The following CEP83 variants were observed in gnomAD, a reference collection of about 807,000 sequenced individuals.
CEP83 encodes the protein centrosomal protein of 83 kDa.
In CEP83, 70 loss-of-function variants were observed where a neutral mutation model predicts 101.9. That is an observed-to-expected ratio of 0.69 (90% CI 0.57 to 0.84). The LOEUF is 0.84. Among genes scored for constraint, CEP83 ranks in the 40% least tolerant of loss-of-function variants. The pLI is 0.00. For missense variants in CEP83, 715 were observed against 787.2 expected, an observed-to-expected ratio of 0.91 and a Z score of 1.10; for synonymous variants, 264 against 267.9, an observed-to-expected ratio of 0.99 and a Z score of 0.14.
chr12:94,415,043 A>G (rs115536678), intron 2 of CEP83, among the ~76,000 whole-genome samples: 3,587 of 152,218 alleles, frequency 0.024, 153 homozygotes, highest in African/African-American at 0.082. Context: ...ATGGCATAAA[A>G]ATGTGTTTTT....
At chr12:94,392,100 A>G (rs1421572658) in intron 6 of CEP83, among the ~76,000 whole-genome samples, 2 of 152,160 alleles carry the variant, frequency 1.3e-5, no homozygotes, top group Non-Finnish European at 2.9e-5. Flanking sequence ...AGGTTAACAA[A>G]GATATACAGG....
chr12:94,355,481 A>C (rs1005725812), intron 11 of CEP83, among the ~76,000 whole-genome samples: 2 of 152,060 alleles, frequency 1.3e-5, no homozygotes, highest in Admixed American at 6.5e-5. Context: ...ACAGAGCGAG[A>C]CTCCGTCTCA....
At chr12:94,386,281 CTCTG>C (rs746400415) in intron 6 of CEP83, among the ~76,000 whole-genome samples, 18 of 152,294 alleles carry the variant, frequency 1.2e-4, no homozygotes, top group South Asian at 6.2e-4. Context: ...TATCTTTCCA[CTCTG>C]TCTAACGGAA....
intron 6 of CEP83, among the ~76,000 whole-genome samples, chr12:94,385,138 G>A (rs1469988877): frequency 6.6e-6 from 1 of 152,168 alleles, no homozygotes; most frequent in Non-Finnish European, 1.5e-5. Context: ...GATACCCAAG[G>A]TGGGAGGGCT....
chr12:94,306,825 C>G (rs1286586520), downstream of CEP83: 1 of 152,170 alleles, frequency 6.6e-6, no homozygotes, highest in Non-Finnish European at 1.5e-5. Flanking sequence ...AGTTACTACC[C>G]TGATAGGCAC....
At chr12:94,403,624 C>A (rs1361051334) in intron 4 of CEP83, among the ~76,000 whole-genome samples, 1 of 151,928 alleles carries the variant, frequency 6.6e-6, no homozygotes, top group South Asian at 2.1e-4. Context: ...TTTGTTATAC[C>A]AAAGAGAACC....
intron 7 of CEP83, among the ~76,000 whole-genome samples, chr12:94,376,747 A>ATATT (rs1449239728): frequency 8.3e-6 from 1 of 120,170 alleles, no homozygotes; most frequent in East Asian, 2.4e-4. Flanking sequence ...ATATATATAT[A>ATATT]TTTTTTTTTT....
At chr12:94,344,998 T>G (rs957008053) in intron 11 of CEP83, among the ~76,000 whole-genome samples, 1 of 151,994 alleles carries the variant, frequency 6.6e-6, no homozygotes, top group African/African-American at 2.4e-5. Flanking sequence ...AGTCCAGAAA[T>G]AGACTCACAC....
rs1187876547 is a variant in CEP83, at chr12:94,367,821, ATCTCT to A, written c.1311_1315del (p.Glu437AspfsTer10). 2.5e-6 allele frequency: 4 copies of A among 1,612,542 alleles called. No homozygotes were observed. The highest frequency in any genetic ancestry group is 1.7e-5 in the Admixed American group (1 of 59,798). Reference sequence around the variant, plus strand: ...AACACTCTGAAGCTCCTTCCTGGTGATCTCTTCTGCCATCTGTGAAGCCCGCAATT... The same window carrying A: ...AACACTCTGAAGCTCCTTCCTGGTGATCTGCCATCTGTGAAGCCCGCAATT... On this transcript the variant is annotated frameshift_variant, in exon 11 of 17. Transcript: ENST00000397809. LOFTEE classifies it high-confidence loss of function.
Position 94,338,131 on chromosome 12 carries a change from C to T in CEP83, c.1344-2467G>A, listed in dbSNP as rs541274005. Among the ~76,000 whole-genome samples the T allele has an allele frequency of 9.9e-5, 15 of 152,164 alleles. No individual in the cohort carries two copies. The South Asian group carries it at 1.0e-3, about 11-fold the overall frequency. On this transcript the variant is annotated intron_variant, in intron 11 of 16. Coordinates refer to ENST00000397809, the MANE Select transcript of CEP83 (RefSeq NM_016122.3). The stretch of plus-strand genomic sequence containing the variant: ...CTAGGTGACGACAAGGTCCAAGAAG[C>T]GTCTAGGTGTACAAGATGCTAAAGT...
intron 14 of CEP83, among the ~76,000 whole-genome samples, chr12:94,314,527 T>C (rs1970360887): frequency 6.6e-6 from 1 of 152,248 alleles, no homozygotes; most frequent in Non-Finnish European, 1.5e-5. Context: ...AGATTTATGT[T>C]ACTTACAGAT....
At chr12:94,291,680 GTCAC>G in the CEP83 span, among the ~76,000 whole-genome samples, 1 of 152,172 alleles carries the variant, frequency 6.6e-6, no homozygotes, top group Non-Finnish European at 1.5e-5. Context: ...TTCATTAACA[GTCAC>G]TCCTTATTTC....
chr12:94,341,201 T>A (rs766681814), intron 11 of CEP83, among the ~76,000 whole-genome samples: 1 of 151,472 alleles, frequency 6.6e-6, no homozygotes, highest in Non-Finnish European at 1.5e-5. Flanking sequence ...GATAAGCTAG[T>A]GGTAAAAAAA....
At chr12:94,286,147 T>G in the CEP83 span, among the ~76,000 whole-genome samples, 24 of 152,240 alleles carry the variant, frequency 1.6e-4, no homozygotes, top group Non-Finnish European at 3.5e-4. Flanking sequence ...CGGCCTGTAG[T>G]CACTTCCCGT....
chr12:94,274,210 C>G, the CEP83 span, among the ~76,000 whole-genome samples: 2 of 142,866 alleles, frequency 1.4e-5, no homozygotes, highest in African/African-American at 5.4e-5. Context: ...TGGCAGTGTG[C>G]ACCTGTAGTC....
intron 1 of CEP83, among the ~76,000 whole-genome samples, chr12:94,441,494 C>T (rs185853176): frequency 4.5e-4 from 69 of 152,132 alleles, no homozygotes; most frequent in Non-Finnish European, 7.9e-4. Context: ...GCAAGAATGG[C>T]CATAATTTAA....
intron 1 of CEP83, among the ~76,000 whole-genome samples, chr12:94,447,547 G>A (rs184092534): frequency 1.3e-5 from 2 of 152,244 alleles, no homozygotes; most frequent in East Asian, 3.9e-4. Flanking sequence ...AAGCTCATTG[G>A]AAACTGTAAT....
At chr12:94,370,328 C>G (rs942224986) in intron 8 of CEP83, among the ~76,000 whole-genome samples, 5 of 152,156 alleles carry the variant, frequency 3.3e-5, no homozygotes, top group African/African-American at 1.2e-4. Flanking sequence ...ATCAACTACT[C>G]AATGATTGGA....
intron 5 of CEP83, 83 bp downstream of exon 5, chr12:94,403,087 T>G (rs891990853): frequency 1.4e-6 from 1 of 728,302 alleles, no homozygotes; most frequent in Non-Finnish European, 2.4e-6. Context: ...TACTGCAGGG[T>G]TTTGGGGTAG....
Sources: allele counts gnomAD v4.1 joint callset (sites outside exome capture counted in the v4.1 genomes callset), GRCh38; gene constraint gnomAD v4.1.1; transcripts MANE v1.5; gene names NCBI Gene and HGNC (gene_info 2026-07-23, HGNC 2026-07-21).